The following ADCY2 variants were observed in gnomAD, a reference collection of about 807,000 sequenced individuals.
ADCY2 encodes the protein adenylate cyclase 2.
A neutral mutation model predicts 125.2 loss-of-function variants in ADCY2; 31 were observed. The ratio of observed to expected loss-of-function variants is 0.25; its 90% CI spans 0.19 to 0.33. The LOEUF is 0.33. Among genes scored for constraint, ADCY2 ranks in the 10% least tolerant of loss-of-function variants. The pLI is 1.00. For missense variants in ADCY2, 904 were observed against 1,418.2 expected, an observed-to-expected ratio of 0.64 and a Z score of 5.82; for synonymous variants, 512 against 548.4, an observed-to-expected ratio of 0.93 and a Z score of 0.93.
chr5:7,595,278 A>G (rs1736971763), intron 3 of ADCY2, among the ~76,000 whole-genome samples: 1 of 152,196 alleles, frequency 6.6e-6, no homozygotes, highest in Non-Finnish European at 1.5e-5. Context: ...TAAATAGCAC[A>G]TTCCTTATTG....
At chr5:7,760,437 C>G (rs553646146) in intron 16 of ADCY2, among the ~76,000 whole-genome samples, 1 of 152,146 alleles carries the variant, frequency 6.6e-6, no homozygotes. Flanking sequence ...TACTCAGAAC[C>G]CTTGGGTGAC....
chr5:7,502,237 C>T (rs1181718314), intron 2 of ADCY2, among the ~76,000 whole-genome samples: 2 of 152,210 alleles, frequency 1.3e-5, no homozygotes, highest in Non-Finnish European at 2.9e-5. Context: ...TCTGCCTAAG[C>T]ACACTATGCT....
Position 7,667,581 on chromosome 5 carries a change from T to C in ADCY2, c.721-23110T>C, listed in dbSNP as rs980104474. Among the ~76,000 whole-genome samples the C allele has an allele frequency of 2.0e-5, 3 of 152,246 alleles. No homozygotes were observed. In the East Asian group the frequency reaches 5.8e-4, roughly 29 times the overall value. Reference sequence around the variant, plus strand: ...GACTTGTTCAGGAGTGAAAAGGCCATTCTGTCTGTCGGAATGAATACATTC... The same window carrying C: ...GACTTGTTCAGGAGTGAAAAGGCCACTCTGTCTGTCGGAATGAATACATTC... On this transcript the variant is annotated intron_variant, in intron 4 of 24. Transcript: ENST00000338316.
chr5:7,799,430 T>TA (rs146490049), intron 20 of ADCY2: 75 of 152,398 alleles, frequency 4.9e-4, no homozygotes, highest in African/African-American at 1.8e-3. Context: ...TCCCAGTAGT[T>TA]ATAGTCTTAT....
intron 7 of ADCY2, among the ~76,000 whole-genome samples, chr5:7,700,067 C>T (rs970958013): frequency 8.5e-5 from 13 of 152,202 alleles, no homozygotes; most frequent in Non-Finnish European, 1.9e-4. Context: ...TGTGGCTTCA[C>T]ACACATTGTA....
intron 2 of ADCY2, among the ~76,000 whole-genome samples, chr5:7,442,987 C>G (rs1360221236): frequency 1.3e-5 from 2 of 152,176 alleles, no homozygotes; most frequent in African/African-American, 4.8e-5. Flanking sequence ...ATTATCCCTT[C>G]TTTGGCTAGT....
chr5:7,782,959 TG>T (rs1266776491), intron 18 of ADCY2, among the ~76,000 whole-genome samples: 3 of 152,142 alleles, frequency 2.0e-5, no homozygotes, highest in Non-Finnish European at 4.4e-5. Context: ...CAGAGAGAAA[TG>T]GTGACCTCCT....
intron 3 of ADCY2, among the ~76,000 whole-genome samples, chr5:7,593,205 A>G (rs927725631): frequency 3.9e-5 from 6 of 152,332 alleles, no homozygotes; most frequent in East Asian, 1.9e-4. Context: ...TCTGGGCTTC[A>G]TCTGGGACTA....
At chr5:7,436,615 G>A (rs1465700681) in intron 2 of ADCY2, among the ~76,000 whole-genome samples, 2 of 152,214 alleles carry the variant, frequency 1.3e-5, no homozygotes, top group Non-Finnish European at 2.9e-5. Flanking sequence ...AAGTCCGCAT[G>A]TCTTTGATAA....
At chr5:7,499,443 A>G (rs1743466838) in intron 2 of ADCY2, among the ~76,000 whole-genome samples, 1 of 152,048 alleles carries the variant, frequency 6.6e-6, no homozygotes, top group Non-Finnish European at 1.5e-5. Flanking sequence ...CTGTGCAGTT[A>G]GAAATTTTGT....
intron 17 of ADCY2, 70 bp downstream of exon 17, chr5:7,766,876 C>T (rs1018828419): frequency 7.8e-6 from 12 of 1,530,842 alleles, no homozygotes; most frequent in Non-Finnish European, 1.0e-5. Context: ...AACATATATC[C>T]TTTAGTCTCA....
intron 16 of ADCY2, among the ~76,000 whole-genome samples, chr5:7,764,347 G>A (rs1040644404): frequency 2.0e-5 from 3 of 152,126 alleles, no homozygotes; most frequent in African/African-American, 7.2e-5. Flanking sequence ...ATTCCTCACA[G>A]CATTTTGCAA....
chr5:7,581,824 AAAAAAAAAAAAG>A (rs1561107764), intron 3 of ADCY2, among the ~76,000 whole-genome samples: 1 of 80,882 alleles, frequency 1.2e-5, no homozygotes, highest in Non-Finnish European at 3.1e-5. Context: ...AGTCTCAAAA[AAAAAAAAAAAAG>A]AAAAAGAAAA....
At chr5:7,691,661 A>T (rs762790003) in intron 5 of ADCY2, 3 of 152,150 alleles carry the variant, frequency 2.0e-5, no homozygotes, top group Non-Finnish European at 4.4e-5. Context: ...TCCCATTCCC[A>T]GTACCACGTC....
chr5:7,818,934 TAAG>T, intron 23 of ADCY2, among the ~76,000 whole-genome samples: 1 of 152,058 alleles, frequency 6.6e-6, no homozygotes, highest in Middle Eastern at 3.4e-3. Flanking sequence ...GAAAGTTTAT[TAAG>T]AAGTATTAAC....
intron 15 of ADCY2, among the ~76,000 whole-genome samples, chr5:7,751,113 A>G (rs1742799815): frequency 6.6e-6 from 1 of 152,120 alleles, no homozygotes; most frequent in African/African-American, 2.4e-5. Context: ...CAGTTCATCC[A>G]GTTCCTCAAT....
At chr5:7,727,110 G>A in intron 13 of ADCY2, 54 bp from the exon 14 acceptor site, 1 of 1,377,702 alleles carries the variant, frequency 7.3e-7, no homozygotes, top group Non-Finnish European at 1.0e-6. Flanking sequence ...TGGACACTGT[G>A]TGCAGCTCTT....
chr5:7,811,160 G>A (rs1744931348), intron 22 of ADCY2, among the ~76,000 whole-genome samples: 1 of 152,176 alleles, frequency 6.6e-6, no homozygotes, highest in Non-Finnish European at 1.5e-5. Flanking sequence ...CAAGAGGAAA[G>A]GGGGGCTGTT....
At chr5:7,431,710 T>A (rs1339325053) in intron 2 of ADCY2, among the ~76,000 whole-genome samples, 1 of 152,142 alleles carries the variant, frequency 6.6e-6, no homozygotes, top group African/African-American at 2.4e-5. Context: ...TTAGGATATA[T>A]AGAGCAGACT....
Sources: allele counts gnomAD v4.1 joint callset (sites outside exome capture counted in the v4.1 genomes callset), GRCh38; gene constraint gnomAD v4.1.1; transcripts MANE v1.5; gene names NCBI Gene and HGNC (gene_info 2026-07-23, HGNC 2026-07-21).